BTBD16: variants seen among roughly 807,000 people sequenced by gnomAD.
BTBD16 encodes the protein BTB/POZ domain-containing protein 16.
BTBD16 carries 66 observed loss-of-function variants against 67.4 expected under a neutral mutation model. The observed-to-expected ratio is 0.98, with a 90% CI of 0.80 to 1.20. The LOEUF is 1.20. Among genes scored for constraint, BTBD16 ranks in the 50% most tolerant of loss-of-function variants. The pLI, the probability that BTBD16 is intolerant of heterozygous loss-of-function variation, is 0.00. For missense variants in BTBD16, 634 were observed against 616.0 expected, an observed-to-expected ratio of 1.03 and a Z score of -0.31; for synonymous variants, 242 against 236.4, an observed-to-expected ratio of 1.02 and a Z score of -0.22.
intron 7 of BTBD16, among the ~76,000 whole-genome samples, chr10:122,295,160 T>C (rs75525482): frequency 5.3e-5 from 8 of 152,232 alleles, no homozygotes; most frequent in African/African-American, 1.9e-4. Context: ...TGTTGTTTCA[T>C]GGGAGGTGGA....
At chr10:122,334,340 C>T (rs60892175) in intron 13 of BTBD16, among the ~76,000 whole-genome samples, 3,459 of 150,798 alleles carry the variant, frequency 0.023, 104 homozygotes, top group African/African-American at 0.072. Context: ...GGACTACAGG[C>T]GCCCGCCACC....
At chr10:122,289,406 A>G (rs557588567) in intron 5 of BTBD16, among the ~76,000 whole-genome samples, 1 of 152,264 alleles carries the variant, frequency 6.6e-6, no homozygotes, top group South Asian at 2.1e-4. Flanking sequence ...GCAACTTCTT[A>G]TGAGTCTTAA....
chr10:122,318,753 T>G (rs1349711616), intron 10 of BTBD16, among the ~76,000 whole-genome samples: 1 of 152,180 alleles, frequency 6.6e-6, no homozygotes, highest in African/African-American at 2.4e-5. Flanking sequence ...GCCCGGCTAA[T>G]TTTTGTATAT....
chr10:122,283,716 T>C, intron 3 of BTBD16, 135 bp from the exon 4 acceptor site: 1 of 679,910 alleles, frequency 1.5e-6, no homozygotes, highest in South Asian at 1.9e-5. Flanking sequence ...CTGAGGAAAC[T>C]CTTCCAAAGG....
chr10:122,319,531 TATGTGTGTGTTTATTTTGGGACTCA>T (rs1221680670), intron 10 of BTBD16, among the ~76,000 whole-genome samples: 1 of 152,184 alleles, frequency 6.6e-6, no homozygotes, highest in Non-Finnish European at 1.5e-5. Flanking sequence ...ACATCAACCA[TATGTGTGTGTTTATTTTGGGACTCA>T]ATATTCTGTT....
chr10:122,278,763 A>G (rs2096346262), intron 3 of BTBD16, among the ~76,000 whole-genome samples: 1 of 152,248 alleles, frequency 6.6e-6, no homozygotes, highest in South Asian at 2.1e-4. Flanking sequence ...CTGCATGTCC[A>G]GAGGCAGCAG....
chr10:122,334,942 T>C lies in BTBD16; in HGVS notation c.1226T>C (p.Leu409Pro). 1 of 1,567,492 alleles carries C rather than the reference T, an allele frequency of 6.4e-7. No individual in the cohort carries two copies. Among genetic ancestry groups the C allele is most frequent in the Non-Finnish European group, 8.8e-7 (1 of 1,139,868 alleles). ...GGATTCTTCTTTAAGATAAAGGGAC[T>C]CAAACATGATACTACCTCTTATAGT... ...LYGFFFKIKG[L>P]KHDTTSYSFY... The change falls in exon 14 of 16, where the codon CTC becomes CCC. Residue 409 changes from leucine to proline, a missense_variant. Leu to Pro is a moderately conservative substitution (Grantham distance 98). Coordinates refer to ENST00000260723, the MANE Select transcript of BTBD16 (RefSeq NM_144587.5).
At chr10:122,329,391 G>C in intron 10 of BTBD16, 89 bp from the exon 11 acceptor site, 1 of 1,286,744 alleles carries the variant, frequency 7.8e-7, no homozygotes, top group Non-Finnish European at 1.1e-6. Flanking sequence ...GAAGCCACTA[G>C]TCTCTACAAC....
At chr10:122,280,373 GA>G (rs2096350288) in intron 3 of BTBD16, among the ~76,000 whole-genome samples, 1 of 152,054 alleles carries the variant, frequency 6.6e-6, no homozygotes, top group Non-Finnish European at 1.5e-5. Flanking sequence ...CCAGACTGGG[GA>G]GGGGGCACCC....
intron 15 of BTBD16, 112 bp from the exon 16 acceptor site, chr10:122,337,905 T>C (rs886480229): frequency 3.7e-6 from 3 of 803,158 alleles, no homozygotes; most frequent in Admixed American, 2.6e-5. Flanking sequence ...TGTGCAACCA[T>C]AGTTGAGAGC....
At chr10:122,279,512 AC>A (rs1301606330) in intron 3 of BTBD16, among the ~76,000 whole-genome samples, 2 of 236 alleles carry the variant, frequency 8.5e-3, no homozygotes, top group African/African-American at 0.018. Context: ...AGAAAGAGAA[AC>A]ACACACACAC....
At chr10:122,337,970 T>A in intron 15 of BTBD16, 47 bp from the exon 16 acceptor site, 1 of 1,507,806 alleles carries the variant, frequency 6.6e-7, no homozygotes, top group Non-Finnish European at 9.2e-7. Flanking sequence ...GGGGCAATTG[T>A]GTTCATCCTA....
intron 9 of BTBD16, chr10:122,303,641 T>C: frequency 2.4e-6 from 2 of 830,518 alleles, no homozygotes; most frequent in Non-Finnish European, 2.9e-6. Context: ...ATTGTTTATA[T>C]ATAATTTTCT....
In BTBD16 at chr10:122,336,559, A is replaced by C; in HGVS notation, c.1329A>C (p.Arg443=). 1 of 1,612,992 alleles carries C rather than the reference A, an allele frequency of 6.2e-7. No individual in the cohort carries two copies. The highest frequency in any genetic ancestry group is 8.5e-7 in the Non-Finnish European group (1 of 1,179,672). ...AVYEHNHVSL[R]AARLVKYEIR... is the part of the protein sequence containing the mutation. Reference sequence around the variant, plus strand: ...ACGAGCACAACCACGTCAGCCTGCGAGCGGCACGCCTGGTGAAGTATGAGA... The same window carrying C: ...ACGAGCACAACCACGTCAGCCTGCGCGCGGCACGCCTGGTGAAGTATGAGA... Residue 443 remains arginine (R), a synonymous_variant, in exon 15 of 16, where the codon CGA becomes CGC. Transcript: ENST00000260723.
chr10:122,303,186 T>C (rs868745871), intron 9 of BTBD16, among the ~76,000 whole-genome samples: 4 of 152,226 alleles, frequency 2.6e-5, no homozygotes, highest in African/African-American at 9.6e-5. Flanking sequence ...AAGTCGCCTA[T>C]GTTTCCCTCC....
chr10:122,327,612 C>T, intron 10 of BTBD16: 1 of 985,436 alleles, frequency 1.0e-6, no homozygotes, highest in South Asian at 4.7e-5. Context: ...GACTCATGGC[C>T]TCTCCATGTC....
At chr10:122,336,731 TC>T in intron 15 of BTBD16, 49 bp downstream of exon 15, 1 of 1,479,098 alleles carries the variant, frequency 6.8e-7, no homozygotes, top group Non-Finnish European at 9.0e-7. Context: ...GCTCTTTCTC[TC>T]CCCCATCCTT....
chr10:122,279,757 A>G (rs1031790404), intron 3 of BTBD16, among the ~76,000 whole-genome samples: 4 of 152,146 alleles, frequency 2.6e-5, no homozygotes, highest in South Asian at 2.1e-4. Context: ...AAAGCACTAC[A>G]TGGCTGTTTC....
intron 10 of BTBD16, among the ~76,000 whole-genome samples, chr10:122,311,302 G>A (rs1169464895): frequency 2.0e-5 from 3 of 152,170 alleles, no homozygotes; most frequent in Admixed American, 6.5e-5. Context: ...ACGCACGGTC[G>A]TGTGTGGCTT....
Sources: allele counts gnomAD v4.1 joint callset (sites outside exome capture counted in the v4.1 genomes callset), GRCh38; gene constraint gnomAD v4.1.1; transcripts MANE v1.5; gene names NCBI Gene and HGNC (gene_info 2026-07-23, HGNC 2026-07-21).